ZNF717: variants seen among roughly 807,000 people sequenced by gnomAD.
The protein encoded by ZNF717 is zinc finger protein 717.
In ZNF717, 9 loss-of-function variants were observed where a neutral mutation model predicts 13.8. The observed-to-expected ratio is 0.65, with a 90% CI of 0.39 to 1.14. The LOEUF is 1.14. ZNF717 is among the 50% of genes most tolerant of loss of function. The probability of loss-of-function intolerance (pLI) is 0.01; values close to 1 mark genes in which losing one functional copy is unlikely to be tolerated. For synonymous variants in ZNF717, 327 were observed against 364.1 expected (o/e 0.90, Z 1.16); for missense variants, 1,040 against 1,080.7 (o/e 0.96, Z 0.53).
intron 6 of ZNF717, among the ~76,000 whole-genome samples, chr3:75,695,280 T>C: frequency 6.6e-6 from 1 of 150,386 alleles, no homozygotes; most frequent in Non-Finnish European, 1.5e-5. Flanking sequence ...TTCAAGAGGA[T>C]ATAATAATTG....
downstream of ZNF717, among the ~76,000 whole-genome samples, chr3:75,734,421 G>T (rs201622565): frequency 1.7e-5 from 1 of 58,096 alleles, no homozygotes; most frequent in Admixed American, 2.1e-4. Flanking sequence ...GTGGTAAAAT[G>T]GGTTTTTTTT....
chr3:75,716,242 A>G (rs1325232008), intron 5 of ZNF717, among the ~76,000 whole-genome samples: 1 of 151,032 alleles, frequency 6.6e-6, no homozygotes, highest in African/African-American at 2.5e-5. Context: ...GCCTCCCAAG[A>G]TAAGATTGTT....
In ZNF717 at chr3:75,737,036, T is replaced by G; in HGVS notation, c.2587A>C (p.Thr863Pro). ...TCATAAGGTTTTTCTCCTGTGTGTG[T>G]TCTCTGATGTATACTGAGGCCTGAC... ...QKSGLSIHQRTHTGEKPYECK... is the reference protein window; with the variant it reads ...QKSGLSIHQRPHTGEKPYECK... Residue 863 changes from threonine (T) to proline (P), a missense_variant, in exon 5 of 5, where the codon ACA becomes CCA. Around this residue, in one of 3 missense-constraint regions of ZNF717, gnomAD observed 44 missense variants for 70.1 expected, o/e 0.63. Transcript: ENST00000652011. 2 of 1,603,566 alleles carry G rather than the reference T, an allele frequency of 1.2e-6. No homozygotes were observed. Among genetic ancestry groups the G allele is most frequent in the South Asian group, 2.2e-5 (2 of 89,632 alleles).
Position 75,737,577 on chromosome 3 carries a change from T to G in ZNF717, c.2046A>C (p.Lys682Asn), listed in dbSNP as rs751562492. ...KNRMDVMNVE[K>N]LFVRNHTLLY... ...ATAAGGTATGATTTCTGACAAAAAGTTTTTCCACATTCATTACATCCATAC... is the reference window on the plus strand; with the variant it reads ...ATAAGGTATGATTTCTGACAAAAAGGTTTTCCACATTCATTACATCCATAC... The change falls in exon 5 of 5, where the codon AAA (lysine) becomes AAC (asparagine). Residue 682 changes from lysine to asparagine, a missense_variant. Coordinates refer to ENST00000652011, the MANE Select transcript of ZNF717 (RefSeq NM_001290208.3). 75 of 1,544,236 alleles carry G rather than the reference T, an allele frequency of 4.9e-5. No individual in the cohort carries two copies. Among genetic ancestry groups the G allele is most frequent in the Non-Finnish European group, 6.5e-5 (74 of 1,142,050 alleles).
intron 2 of ZNF717, among the ~76,000 whole-genome samples, chr3:75,775,729 T>C (rs909649440): frequency 6.6e-6 from 1 of 151,810 alleles, no homozygotes; most frequent in African/African-American, 2.4e-5. Context: ...GGTGTGCGCC[T>C]GTAATCCCAG....
chr3:75,700,539 A>G (rs1937672151), intron 6 of ZNF717, among the ~76,000 whole-genome samples: 1 of 152,302 alleles, frequency 6.6e-6, no homozygotes, highest in African/African-American at 2.4e-5. Context: ...TTTAAATTAT[A>G]CCACTAAGTT....
rs1483121938 is a variant in ZNF717, at chr3:75,737,775, T to C, written c.1848A>G (p.Glu616=). The part of the protein sequence containing the change: ...LGIHKRTHTG[E]RPYECNECGK... ...CACATTCATTACATTCATAGGGTCT[T>C]TCCCCTGTGTGAGTTCTCTTGTGTA... Residue 616 remains glutamate, a synonymous_variant, in exon 5 of 5, where the codon GAA becomes GAG. Coordinates refer to ENST00000652011, the MANE Select transcript of ZNF717 (RefSeq NM_001290208.3). 6.4e-7 allele frequency: 1 copy of C among 1,550,594 alleles called. No homozygotes were observed. The highest frequency in any genetic ancestry group is 1.4e-5 in the African/African-American group (1 of 72,990).
chr3:75,759,352 T>A (rs1223694649), intron 2 of ZNF717, among the ~76,000 whole-genome samples: 1 of 150,950 alleles, frequency 6.6e-6, no homozygotes, highest in Non-Finnish European at 1.5e-5. Context: ...CTCGGCTCAC[T>A]GCAAGCTCCA....
intron 2 of ZNF717, among the ~76,000 whole-genome samples, chr3:75,757,571 T>C (rs372141208): frequency 6.6e-6 from 1 of 151,776 alleles, no homozygotes; most frequent in African/African-American, 2.4e-5. Context: ...CAGAGATGTA[T>C]AAAGAGCTGA....
chr3:75,733,268 G>C (rs1232409225), downstream of ZNF717, among the ~76,000 whole-genome samples: 555 of 152,320 alleles, frequency 3.6e-3, 1 homozygote, highest in African/African-American at 0.013. Flanking sequence ...GAAAAAGAGA[G>C]AAATAGAAGA....
chr3:75,780,444 C>T (rs975685681), intron 2 of ZNF717, among the ~76,000 whole-genome samples: 7 of 152,132 alleles, frequency 4.6e-5, no homozygotes, highest in African/African-American at 1.7e-4. Context: ...TTGCTCTGTC[C>T]CCCAGAGTGG....
Position 75,738,312 on chromosome 3 carries a change from C to G in ZNF717, c.1311G>C (p.Arg437Ser). 2 of 914,802 alleles carry G rather than the reference C, an allele frequency of 2.2e-6. No homozygotes were observed. Among genetic ancestry groups the G allele is most frequent in the South Asian group, 3.7e-5 (2 of 54,230 alleles). 56.7% of individuals were successfully genotyped at this position (914,802 alleles called of 1,614,324 possible). A position where few individuals can be genotyped will look rare whatever the true frequency, so the allele number is the denominator to read the frequency against. Reference sequence around the variant, plus strand: ...TGTGTGTTCTCTGATGGACAGTAAGCCTTGACTTATGGCTAAATGCTTCTT... The same window carrying G: ...TGTGTGTTCTCTGATGGACAGTAAGGCTTGACTTATGGCTAAATGCTTCTT... ...HCEEAFSHKS[R>S]LTVHQRTHTG... Residue 437 changes from arginine (R) to serine (S), a missense_variant, in exon 5 of 5, where the codon AGG (arginine) becomes AGC (serine). Arg to Ser is a moderately radical substitution (Grantham distance 110). Transcript: ENST00000652011.
At chr3:75,703,166 T>C (rs1406100977) in intron 6 of ZNF717, among the ~76,000 whole-genome samples, 5 of 152,298 alleles carry the variant, frequency 3.3e-5, no homozygotes, top group African/African-American at 1.2e-4. Context: ...AGTCTTCTCC[T>C]ACTTTAAGCC....
chr3:75,761,916 T>G (rs1451110342), intron 2 of ZNF717, among the ~76,000 whole-genome samples: 2 of 152,206 alleles, frequency 1.3e-5, no homozygotes, highest in African/African-American at 4.8e-5. Flanking sequence ...TAGCTGGGCA[T>G]AGTGGCAGAC....
intron 2 of ZNF717, among the ~76,000 whole-genome samples, chr3:75,753,732 G>T (rs1575856611): frequency 3.3e-5 from 1 of 30,612 alleles, no homozygotes; most frequent in African/African-American, 9.2e-5. Flanking sequence ...TGTGTGATCT[G>T]AATGTTTGTC....
At chr3:75,751,089 G>A (rs1941748223) in intron 2 of ZNF717, among the ~76,000 whole-genome samples, 1 of 151,482 alleles carries the variant, frequency 6.6e-6, no homozygotes. Flanking sequence ...CCTCACATAG[G>A]ATTCCAGAAA....
chr3:75,768,303 TC>T (rs1474449898), intron 2 of ZNF717, among the ~76,000 whole-genome samples: 4 of 92,758 alleles, frequency 4.3e-5, no homozygotes, highest in Admixed American at 1.3e-4. Flanking sequence ...GCTGAGTGTG[TC>T]GGGGGGCAGA....
chr3:75,741,633 G>C lies in ZNF717; in HGVS notation c.161C>G (p.Thr54Ser). Reference protein sequence around the residue: ...RTLYRDVMLETYSSLVSLGHY... With the variant: ...RTLYRDVMLESYSSLVSLGHY... ...ACCCAATGATACCAGGCTGCTGTAG[G>C]TCTCCAGCATCACGTCCCTGTACAG... Residue 54 changes from threonine to serine, a missense_variant, in exon 3 of 5, where the codon ACC (threonine) becomes AGC (serine). By Grantham distance (58) the Thr-to-Ser change is moderately conservative. Coordinates refer to ENST00000652011, the MANE Select transcript of ZNF717 (RefSeq NM_001290208.3). 6.2e-7 allele frequency: 1 copy of C among 1,607,336 alleles called. No homozygotes were observed. Among genetic ancestry groups the C allele is most frequent in the Non-Finnish European group, 8.5e-7 (1 of 1,175,764 alleles).
chr3:75,779,118 G>T (rs111925599), intron 2 of ZNF717, among the ~76,000 whole-genome samples: 18 of 149,134 alleles, frequency 1.2e-4, no homozygotes, highest in Non-Finnish European at 1.9e-4. Flanking sequence ...TGGGATTGAC[G>T]TGCTAAAACC....
Sources: gnomAD v4.1 joint callset for allele counts (sites outside exome capture counted in the v4.1 genomes callset) on GRCh38, gnomAD v4.1.1 for gene constraint, gnomAD v4.1.1 regional missense constraint, MANE v1.5 for transcripts, NCBI Gene and HGNC (gene_info 2026-07-23, HGNC 2026-07-21) for gene names.